The following SLC9A1 variants were observed in gnomAD, a reference collection of about 807,000 sequenced individuals.
SLC9A1 encodes the protein solute carrier family 9 member A1, also known as sodium/hydrogen exchanger 1.
A neutral mutation model predicts 67.9 loss-of-function variants in SLC9A1; 22 were observed. That is an observed-to-expected ratio of 0.32 (90% CI 0.23 to 0.46). The LOEUF (loss-of-function observed/expected upper bound fraction) is 0.46, where lower values mean the gene tolerates loss of function less well. Ranked by LOEUF, SLC9A1 falls within the 20% of genes least tolerant of loss-of-function variation. The pLI is 1.00. For synonymous variants in SLC9A1, 421 were observed against 471.8 expected, an observed-to-expected ratio of 0.89 and a Z score of 1.40; for missense variants, 686 against 1,094.8, an observed-to-expected ratio of 0.63 and a Z score of 5.27.
chr1:27,102,831 T>G (rs1231619687), intron 6 of SLC9A1, 88 bp from the exon 7 acceptor site: 5 of 1,186,560 alleles, frequency 4.2e-6, no homozygotes, highest in Non-Finnish European at 6.2e-6. Flanking sequence ...CTCCCGTAGC[T>G]GCAGCCCTGC....
chr1:27,152,479 G>A (rs1033443523), intron 1 of SLC9A1, among the ~76,000 whole-genome samples: 12 of 152,158 alleles, frequency 7.9e-5, no homozygotes, highest in African/African-American at 2.7e-4. Flanking sequence ...CAAATCAGAC[G>A]ACATTTCATG....
chr1:27,099,987 A>T lies in SLC9A1; in HGVS notation c.*320T>A, dbSNP rs1299869543. 1 of 338,340 alleles carries T rather than the reference A, an allele frequency of 3.0e-6. No individual in the cohort carries two copies. Among genetic ancestry groups the T allele is most frequent in the Non-Finnish European group, 5.4e-6 (1 of 186,168 alleles). The allele number at this position is 338,340 out of a possible 1,614,324, so 21.0% of individuals were successfully genotyped here. On this transcript the variant is annotated 3_prime_UTR_variant, in exon 12 of 12. Transcript: ENST00000263980. ...ACTAAGATTGGTCTGAATGAGGAGG[A>T]GGATGAGGCAGAGGGAGGAGCCTCC...
intron 2 of SLC9A1, among the ~76,000 whole-genome samples, chr1:27,111,824 T>A (rs377189532): frequency 7.9e-5 from 12 of 151,978 alleles, no homozygotes; most frequent in African/African-American, 2.9e-4. Flanking sequence ...AATAAATAAA[T>A]AAAAATGAGG....
intron 1 of SLC9A1, among the ~76,000 whole-genome samples, chr1:27,153,628 T>C (rs1398699961): frequency 2.0e-5 from 3 of 152,194 alleles, no homozygotes; most frequent in Non-Finnish European, 2.9e-5. Context: ...CAGAAGACAC[T>C]CCTTTCTGTC....
chr1:27,103,198 A>T, intron 6 of SLC9A1, 25 bp downstream of exon 6: 1 of 1,563,632 alleles, frequency 6.4e-7, no homozygotes, highest in South Asian at 1.1e-5. Context: ...TTCTGCAACC[A>T]AGGGCCCAGC....
Position 27,101,073 on chromosome 1 carries a change from G to GAGGGGATCCTGAGGTCAGCGAGGGCC in SLC9A1, c.2110+104_2110+129dup. ...GACGTAGAAGCAGCTCATGGCTTGG[G>GAGGGGATCCTGAGGTCAGCGAGGGCC]AGGGGATCCTGAGGTCAGCGAGGGC... On this transcript the variant is annotated intron_variant, in intron 11 of 11. Transcript: ENST00000263980. This position sits in a 1 kb window ranked among gnomAD's most constrained non-coding sequence, Gnocchi z 4.9. 1.5e-6 allele frequency: 1 copy of GAGGGGATCCTGAGGTCAGCGAGGGCC among 683,612 alleles called. No individual in the cohort carries two copies. The highest frequency in any genetic ancestry group is 2.5e-6 in the Non-Finnish European group (1 of 397,272). The allele number at this position is 683,612 out of a possible 1,614,324, so 42.3% of individuals were successfully genotyped here. A position where few individuals can be genotyped will look rare whatever the true frequency, so the allele number is the denominator to read the frequency against.
chr1:27,103,056 C>T (rs1024346416), intron 6 of SLC9A1, among the ~76,000 whole-genome samples, 167 bp downstream of exon 6: 14 of 152,274 alleles, frequency 9.2e-5, no homozygotes, highest in African/African-American at 3.4e-4. Flanking sequence ...GCTGCTCACA[C>T]CACACCTTCC....
intron 1 of SLC9A1, among the ~76,000 whole-genome samples, chr1:27,152,230 C>T (rs529304056): frequency 6.6e-4 from 101 of 152,290 alleles, no homozygotes; most frequent in African/African-American, 2.3e-3. Context: ...AGATACCAGG[C>T]CTGCAGGGAC....
intron 1 of SLC9A1, among the ~76,000 whole-genome samples, chr1:27,116,109 C>T (rs973769668): frequency 1.8e-4 from 27 of 152,228 alleles, no homozygotes; most frequent in African/African-American, 5.8e-4. Context: ...CCTGTAATCC[C>T]AGCACTTTGG....
chr1:27,112,883 C>CAAAA (rs58540104), intron 2 of SLC9A1, among the ~76,000 whole-genome samples: 3 of 41,504 alleles, frequency 7.2e-5, no homozygotes, highest in South Asian at 8.5e-4. Flanking sequence ...GACTCCATCT[C>CAAAA]AAAAAAAAAA....
chr1:27,147,317 A>AG (rs1273689904), intron 1 of SLC9A1, among the ~76,000 whole-genome samples: 40 of 148,812 alleles, frequency 2.7e-4, no homozygotes, highest in East Asian at 5.8e-4. Context: ...AAAAAAAAAA[A>AG]AAAAGAAAAG....
chr1:27,134,609 G>A (rs908127732), intron 1 of SLC9A1, among the ~76,000 whole-genome samples: 5 of 152,088 alleles, frequency 3.3e-5, no homozygotes, highest in South Asian at 2.1e-4. Flanking sequence ...GTGAACGGCC[G>A]CAAGTGACTG....
chr1:27,100,691 G>A lies in SLC9A1; in HGVS notation c.2111-47C>T, dbSNP rs548100387. ...CAAGCTGGGTTCCGCTCTGGAGCCC[G>A]GCCCAGCACGTGCCACTCGGCCGCG... On this transcript the variant is annotated intron_variant, in intron 11 of 11. Coordinates refer to ENST00000263980, the MANE Select transcript of SLC9A1 (RefSeq NM_003047.5). The surrounding 1 kb of genome is among the most constrained non-coding windows in gnomAD (Gnocchi z 5.6). The A allele has an allele frequency of 4.1e-5, 61 of 1,484,078 alleles. No individual in the cohort carries two copies. The highest frequency in any genetic ancestry group is 1.8e-4 in the Middle Eastern group (1 of 5,560). The allele number at this position is 1,484,078 out of a possible 1,614,324, so 91.9% of individuals were successfully genotyped here.
At chr1:27,153,916 G>T in intron 1 of SLC9A1, 67 bp downstream of exon 1, 1 of 1,064,878 alleles carries the variant, frequency 9.4e-7, no homozygotes, top group Non-Finnish European at 1.4e-6. Context: ...GCCTCAAATG[G>T]TGCGAGATGA....
intron 1 of SLC9A1, among the ~76,000 whole-genome samples, chr1:27,147,798 A>C (rs1041121010): frequency 4.6e-5 from 7 of 152,102 alleles, no homozygotes; most frequent in Admixed American, 2.6e-4. Flanking sequence ...AGTTCAAGAC[A>C]AGCCTGACCA....
intron 2 of SLC9A1, among the ~76,000 whole-genome samples, chr1:27,112,977 T>C (rs905164920): frequency 3.3e-5 from 5 of 151,676 alleles, no homozygotes; most frequent in African/African-American, 9.7e-5. Flanking sequence ...CTTTTACTTA[T>C]CACCTTCTAG....
In SLC9A1 at chr1:27,102,528, C is replaced by A. The variant is rs1471960125; in HGVS notation, c.1677G>T (p.Lys559Asn). 6.2e-7 allele frequency: 1 copy of A among 1,607,408 alleles called. No individual in the cohort carries two copies. Residue 559 changes from lysine (K) to asparagine (N), a missense_variant, in exon 8 of 12, where the codon AAG becomes AAT. Physicochemically the swap from Lys to Asn is moderately conservative, Grantham distance 94 (BLOSUM62 0). Around this residue, in one of 7 missense-constraint regions of SLC9A1, gnomAD observed 168 missense variants for 375.4 expected, o/e 0.45. Coordinates refer to ENST00000263980, the MANE Select transcript of SLC9A1 (RefSeq NM_003047.5). Reference protein sequence around the residue: ...KLNRFNKKYVKKCLIAGERSK... With the variant: ...KLNRFNKKYVNKCLIAGERSK... Reference sequence around the variant, plus strand: ...AGCGCTCGCCAGCTATCAGACACTTCTTCACATATTTCTTATTAAACCGGT... The same window carrying A: ...AGCGCTCGCCAGCTATCAGACACTTATTCACATATTTCTTATTAAACCGGT...
intron 1 of SLC9A1, among the ~76,000 whole-genome samples, chr1:27,143,046 T>TAAAAAAAAAAAAAAAAAAAAAAAAA (rs55970751): frequency 1.0e-5 from 1 of 98,462 alleles, no homozygotes; most frequent in Non-Finnish European, 2.0e-5. Flanking sequence ...ATCAACTGTG[T>TAAAAAAAAAAAAAAAAAAAAAAAAA]AAAAAAAAAA....
At chr1:27,117,110 A>G (rs1218233968) in intron 1 of SLC9A1, among the ~76,000 whole-genome samples, 2 of 152,044 alleles carry the variant, frequency 1.3e-5, no homozygotes, top group African/African-American at 4.8e-5. Context: ...ACCCACCGAG[A>G]TCAGTCAGAC....
Sources: allele counts gnomAD v4.1 joint callset (sites outside exome capture counted in the v4.1 genomes callset), GRCh38; gene constraint gnomAD v4.1.1; regional missense constraint gnomAD v4.1.1; non-coding constraint Gnocchi (gnomAD v3.1); transcripts MANE v1.5; gene names NCBI Gene and HGNC (gene_info 2026-07-23, HGNC 2026-07-21).